ROS1: variants seen among roughly 807,000 people sequenced by gnomAD.
ROS1 encodes ROS proto-oncogene 1, receptor tyrosine kinase, also known as proto-oncogene tyrosine-protein kinase ROS.
A neutral mutation model predicts 273.5 loss-of-function variants in ROS1; 263 were observed. The ratio of observed to expected loss-of-function variants is 0.96; its 90% CI spans 0.87 to 1.06. The LOEUF is 1.06. Among genes scored for constraint, ROS1 ranks in the 50% least tolerant of loss-of-function variants. The probability of loss-of-function intolerance (pLI) is 0.00; values close to 1 mark genes in which losing one functional copy is unlikely to be tolerated. For missense variants in ROS1, 2,833 were observed against 2,751.1 expected (o/e 1.03, Z -0.67); for synonymous variants, 1,008 against 954.1 (o/e 1.06, Z -1.04).
At chr6:117,329,717 C>G (rs2128594576) in intron 32 of ROS1, among the ~76,000 whole-genome samples, 1 of 151,526 alleles carries the variant, frequency 6.6e-6, no homozygotes, top group East Asian at 2.0e-4. Context: ...GAAGGAAGAG[C>G]AGTGAGCCCA....
intron 43 of ROS1, among the ~76,000 whole-genome samples, chr6:117,294,662 C>T (rs1774082712): frequency 6.6e-6 from 1 of 151,784 alleles, no homozygotes; most frequent in Non-Finnish European, 1.5e-5. Flanking sequence ...TTCTATATAC[C>T]AAAAATAATC....
intron 24 of ROS1, among the ~76,000 whole-genome samples, chr6:117,358,397 C>T (rs1395905940): frequency 6.6e-6 from 1 of 152,116 alleles, no homozygotes. Context: ...CCAACACCAC[C>T]CAAGGAGCTA....
Position 117,288,732 on chromosome 6 carries a change from G to A in ROS1, c.6786C>T (p.Asn2262=), listed in dbSNP as rs746010215. 3.1e-6 allele frequency: 5 copies of A among 1,613,722 alleles called. No individual in the cohort carries two copies. Among genetic ancestry groups the A allele is most frequent in the Non-Finnish European group, 8.5e-7 (1 of 1,179,870 alleles). The change falls in exon 44 of 44, where the codon AAC becomes AAT. Residue 2262 remains asparagine (N), a synonymous_variant. Transcript: ENST00000368507. ...IMPVALMETK[N]REGLNYMVLA... ...GTACCATATAGTTTAACCCTTCTCG[G>A]TTCTTCGTTTCCATTAAAGCAACTG...
chr6:117,329,949 A>G (rs1776954957), intron 32 of ROS1, among the ~76,000 whole-genome samples: 2 of 151,914 alleles, frequency 1.3e-5, no homozygotes, highest in African/African-American at 4.8e-5. Context: ...AGCTTACTGA[A>G]CTCCCTGGGG....
intron 5 of ROS1, among the ~76,000 whole-genome samples, chr6:117,406,252 T>C (rs981655302): frequency 6.6e-6 from 1 of 152,150 alleles, no homozygotes; most frequent in African/African-American, 2.4e-5. Flanking sequence ...TGTTATTAGC[T>C]ATTTATTTAA....
At chr6:117,296,398 C>A (rs1452430016) in intron 43 of ROS1, among the ~76,000 whole-genome samples, 25 of 146,494 alleles carry the variant, frequency 1.7e-4, no homozygotes, top group African/African-American at 1.8e-4. Context: ...GAGACTGTCT[C>A]AAAAAAAAAA....
chr6:117,348,451 T>C (rs190190299), intron 27 of ROS1, among the ~76,000 whole-genome samples: 47 of 152,052 alleles, frequency 3.1e-4, no homozygotes, highest in Non-Finnish European at 5.5e-4. Flanking sequence ...ATTTCTACTA[T>C]TAGCAATTTG....
intron 42 of ROS1, among the ~76,000 whole-genome samples, chr6:117,303,373 A>G (rs908586535): frequency 2.0e-5 from 3 of 152,220 alleles, no homozygotes; most frequent in Admixed American, 1.3e-4. Flanking sequence ...AGTTGCTTAC[A>G]GAAGGCCCCT....
intron 18 of ROS1, among the ~76,000 whole-genome samples, chr6:117,374,811 C>T (rs1425666492): frequency 2.0e-5 from 3 of 152,010 alleles, no homozygotes; most frequent in Non-Finnish European, 4.4e-5. Flanking sequence ...TAGATGTTGG[C>T]ATGGATGTGG....
At chr6:117,315,555 T>C (rs1433549917) in intron 39 of ROS1, among the ~76,000 whole-genome samples, 1 of 152,018 alleles carries the variant, frequency 6.6e-6, no homozygotes, top group Admixed American at 6.6e-5. Flanking sequence ...AAGAAAGATG[T>C]AGTGGCTTTA....
intron 3 of ROS1, among the ~76,000 whole-genome samples, chr6:117,415,919 T>C (rs1043328568): frequency 1.3e-5 from 2 of 152,138 alleles, no homozygotes; most frequent in Non-Finnish European, 2.9e-5. Flanking sequence ...TCCCGGATAA[T>C]TGCACACTAA....
At chr6:117,368,713 A>G (rs531837587) in intron 18 of ROS1, among the ~76,000 whole-genome samples, 1 of 152,298 alleles carries the variant, frequency 6.6e-6, no homozygotes, top group South Asian at 2.1e-4. Context: ...AATATTTTTG[A>G]GTATTTTAGA....
chr6:117,309,741 C>G lies in ROS1; in HGVS notation c.6416+340G>C, dbSNP rs76488824. ...GTTTACTGATAAATTAATGACCAAA[C>G]ATTCCCAAATAGTAGGTATTTGGGC... On this transcript the variant is annotated intron_variant, in intron 41 of 43. Transcript: ENST00000368507. 4.1e-3 allele frequency among the ~76,000 whole-genome samples: 626 copies of G among 152,188 alleles called. 11 individuals are homozygous for G. The East Asian group carries it at 0.063, about 15-fold the overall frequency.
In ROS1 at chr6:117,353,134, C is replaced by A; in HGVS notation, c.4159G>T (p.Asp1387Tyr). Residue 1387 changes from aspartate (D) to tyrosine (Y), a missense_variant, in exon 27 of 44, where the codon GAT becomes TAT. By Grantham distance (160) the Asp-to-Tyr change is radical. Transcript: ENST00000368507. ...GCTGTGATGATCCAGTATATAAGAT[C>A]TCCATCCACAGTTAAGCTAACAAGG... ...KTLVSLTVDGDLIYWIITAKD... is the reference protein window; with the variant it reads ...KTLVSLTVDGYLIYWIITAKD... 6.2e-7 allele frequency: 1 copy of A among 1,612,520 alleles called. No individual in the cohort carries two copies. The highest frequency in any genetic ancestry group is 1.3e-5 in the African/African-American group (1 of 74,946).
At chr6:117,400,900 C>T (rs977986729) in intron 7 of ROS1, among the ~76,000 whole-genome samples, 6 of 152,202 alleles carry the variant, frequency 3.9e-5, no homozygotes, top group Non-Finnish European at 8.8e-5. Flanking sequence ...AGTTCCAAAT[C>T]CTTCCATTTA....
At chr6:117,342,137 T>C (rs979066261) in intron 29 of ROS1, among the ~76,000 whole-genome samples, 1 of 152,176 alleles carries the variant, frequency 6.6e-6, no homozygotes, top group African/African-American at 2.4e-5. Context: ...TGAGACCAAA[T>C]AATGTGTTTC....
rs566533958 is a variant in ROS1 at position 117,392,350 on chromosome 6, A to AT, written c.1289+873dup. ...TTGTGAAAAACATGTTATGAGCTGT[A>AT]TTTTTTTTTTCATTCAAAATGAAAG... On this transcript the variant is annotated intron_variant, in intron 12 of 43. Coordinates refer to ENST00000368507, the MANE Select transcript of ROS1 (RefSeq NM_001378902.1). 2.1e-3 allele frequency among the ~76,000 whole-genome samples: 317 copies of AT among 150,170 alleles called. 1 individual carries two copies. Among genetic ancestry groups the AT allele is most frequent in the African/African-American group, 5.4e-3 (223 of 41,052 alleles).
chr6:117,366,126 G>T lies in ROS1; in HGVS notation c.2747C>A (p.Ala916Asp). ...QKTSVSVLEP[A>D]RFNQFTIIQT... ...AATAATTGTGAACTGATTAAATCTG[G>T]CTGGTTCCAAAACAGAGACACTGGT... Residue 916 changes from alanine to aspartate, a missense_variant, in exon 19 of 44, where the codon GCC becomes GAC. Transcript: ENST00000368507. 6.2e-7 allele frequency: 1 copy of T among 1,614,086 alleles called. No homozygotes were observed. The highest frequency in any genetic ancestry group is 2.2e-5 in the East Asian group (1 of 44,866).
chr6:117,318,702 G>A (rs769898345), intron 37 of ROS1, among the ~76,000 whole-genome samples: 6 of 152,084 alleles, frequency 3.9e-5, no homozygotes, highest in Non-Finnish European at 5.9e-5. Flanking sequence ...CATATAACTC[G>A]GTGATGGTCA....
Sources: allele counts gnomAD v4.1 joint callset (sites outside exome capture counted in the v4.1 genomes callset), GRCh38; gene constraint gnomAD v4.1.1; transcripts MANE v1.5; gene names NCBI Gene and HGNC (gene_info 2026-07-23, HGNC 2026-07-21).